Variants in CCDC102B observed in about 807,000 individuals in gnomAD.
CCDC102B encodes the protein coiled-coil domain-containing protein 102B.
Under a neutral mutation model 57.4 loss-of-function variants are expected in CCDC102B, and 75 were observed. The ratio of observed to expected loss-of-function variants is 1.31; its 90% CI spans 1.08 to 1.58. CCDC102B has a LOEUF of 1.58. CCDC102B is among the 40% of genes most tolerant of loss of function. The probability of loss-of-function intolerance (pLI) is 0.00; values close to 1 mark genes in which losing one functional copy is unlikely to be tolerated. For missense variants in CCDC102B, 636 were observed against 582.6 expected, an observed-to-expected ratio of 1.09 and a Z score of -0.94; for synonymous variants, 206 against 201.9, an observed-to-expected ratio of 1.02 and a Z score of -0.17.
At chr18:68,756,520 C>T (rs960630813) in intron 2 of CCDC102B, among the ~76,000 whole-genome samples, 4 of 152,108 alleles carry the variant, frequency 2.6e-5, no homozygotes, top group Admixed American at 2.0e-4. Context: ...AAATATCCTC[C>T]GTAGACTGAT....
At chr18:69,052,468 A>G (rs1033038052) in intron 7 of CCDC102B, among the ~76,000 whole-genome samples, 2 of 151,964 alleles carry the variant, frequency 1.3e-5, no homozygotes, top group Non-Finnish European at 2.9e-5. Context: ...TCACAGATGA[A>G]TCACATCTAT....
chr18:68,911,707 G>A (rs373901358), intron 6 of CCDC102B, among the ~76,000 whole-genome samples: 21 of 118,362 alleles, frequency 1.8e-4, no homozygotes, highest in East Asian at 1.5e-3. Context: ...AGCCGAGATC[G>A]CGCCACTGCA....
chr18:69,018,848 C>T (rs1354061968), intron 7 of CCDC102B, among the ~76,000 whole-genome samples: 1 of 151,934 alleles, frequency 6.6e-6, no homozygotes, highest in East Asian at 1.9e-4. Context: ...AAGAATAATG[C>T]CAAGGAGATT....
At chr18:68,810,876 G>A (rs60557313) in intron 1 of CCDC102B, among the ~76,000 whole-genome samples, 35,118 of 151,332 alleles carry the variant, frequency 0.23, 4,464 homozygotes, top group East Asian at 0.5. Context: ...GTGTGTGAGT[G>A]TGTGATGTGC....
At chr18:68,793,590 T>TATCCATCC (rs10628588), upstream of CCDC102B, among the ~76,000 whole-genome samples, 1,437 of 149,284 alleles carry the variant, frequency 9.6e-3, 10 homozygotes, top group African/African-American at 0.017. Context: ...GTTCATAGAA[T>TATCCATCC]ATCCATCCAT....
chr18:69,030,667 G>GTTTTT lies in CCDC102B; in HGVS notation c.1434+19563_1434+19564insTTTTT, dbSNP rs1599872514. On this transcript the variant is annotated intron_variant, in intron 7 of 7. Coordinates refer to ENST00000360242, the MANE Select transcript of CCDC102B (RefSeq NM_024781.3). Reference sequence around the variant, plus strand: ...TAACAAATGAGTATGTTTTTGTTTTGGTTTTTGTTTTTGGAGACACTCTGT... The same window carrying GTTTTT: ...TAACAAATGAGTATGTTTTTGTTTTGTTTTTGTTTTTGTTTTTGGAGACACTCTGT... 1.1e-4 allele frequency among the ~76,000 whole-genome samples: 16 copies of GTTTTT among 152,218 alleles called. No homozygotes were observed. The East Asian group carries it at 1.7e-3, about 17-fold the overall frequency.
intron 6 of CCDC102B, among the ~76,000 whole-genome samples, chr18:68,970,397 C>T (rs2145257317): frequency 6.6e-6 from 1 of 152,000 alleles, no homozygotes; most frequent in Middle Eastern, 3.4e-3. Flanking sequence ...TTGTCCATGT[C>T]TTTTTATAAA....
chr18:69,047,997 AC>A (rs1371932168), intron 7 of CCDC102B, among the ~76,000 whole-genome samples: 1 of 152,156 alleles, frequency 6.6e-6, no homozygotes, highest in African/African-American at 2.4e-5. Context: ...CTATCAAACT[AC>A]TAAAATGTTT....
chr18:68,915,265 G>A (rs1239475405), intron 6 of CCDC102B, among the ~76,000 whole-genome samples: 1 of 152,172 alleles, frequency 6.6e-6, no homozygotes, highest in African/African-American at 2.4e-5. Flanking sequence ...AGTCTTCCCC[G>A]CCAAGGTGAG....
rs186277370 is a variant in CCDC102B at position 68,723,475 on chromosome 18, A to C, written c.-67+6881A>C. 2.0e-3 allele frequency among the ~76,000 whole-genome samples: 303 copies of C among 152,326 alleles called. 1 individual carries two copies. The highest frequency in any genetic ancestry group is 7.0e-3 in the African/African-American group (289 of 41,568). ...TTCCACCTATCAGCCTGCAAAATCA[A>C]AAGCAAGGCAGTTACTTCCTACATA... On this transcript the variant is annotated intron_variant, in intron 2 of 3. Transcript: ENST00000578970.
At chr18:68,830,705 C>T (rs1361060112) in intron 1 of CCDC102B, among the ~76,000 whole-genome samples, 6 of 145,370 alleles carry the variant, frequency 4.1e-5, no homozygotes, top group African/African-American at 1.4e-4. Flanking sequence ...GACATAATCT[C>T]TTTAAGTCTC....
intron 1 of CCDC102B, among the ~76,000 whole-genome samples, chr18:68,824,957 A>G (rs1032357412): frequency 1.3e-5 from 2 of 152,186 alleles, no homozygotes; most frequent in Non-Finnish European, 1.5e-5. Flanking sequence ...ATGTACCTCT[A>G]TGTTTCTGGT....
intron 2 of CCDC102B, among the ~76,000 whole-genome samples, chr18:68,747,468 T>A (rs2033665533): frequency 6.6e-6 from 1 of 152,082 alleles, no homozygotes; most frequent in Non-Finnish European, 1.5e-5. Flanking sequence ...TTTCTAAAAT[T>A]TATTCATCTT....
At chr18:68,904,299 A>G (rs1355905375) in intron 6 of CCDC102B, among the ~76,000 whole-genome samples, 1 of 152,218 alleles carries the variant, frequency 6.6e-6, no homozygotes, top group African/African-American at 2.4e-5. Context: ...TTTTTAAAAT[A>G]TAAAATGTGT....
At chr18:69,022,593 CT>C (rs1207150163) in intron 7 of CCDC102B, among the ~76,000 whole-genome samples, 2 of 151,754 alleles carry the variant, frequency 1.3e-5, no homozygotes, top group Non-Finnish European at 2.9e-5. Context: ...TTGAATTAAT[CT>C]TGGCACAGTG....
intron 4 of CCDC102B, among the ~76,000 whole-genome samples, chr18:68,871,878 G>A (rs1039239843): frequency 5.3e-5 from 8 of 152,116 alleles, no homozygotes; most frequent in African/African-American, 1.9e-4. Context: ...TTGCTCTCTT[G>A]AGAAAGGAAG....
rs574022095 is a variant in CCDC102B at position 68,755,351 on chromosome 18, C to T, written c.-67+38757C>T. Among the ~76,000 whole-genome samples the T allele has an allele frequency of 1.2e-4, 18 of 152,210 alleles. No homozygotes were observed. In the South Asian group the frequency reaches 3.3e-3, roughly 28 times the overall value. On this transcript the variant is annotated intron_variant, in intron 2 of 3. Coordinates refer to the CCDC102B transcript ENST00000578970. Reference sequence around the variant, plus strand: ...GACCTCTGGACTTGGAGACAGGCCCCGCTGTGGCTGATGTGGGCAGGCTCA... The same window carrying T: ...GACCTCTGGACTTGGAGACAGGCCCTGCTGTGGCTGATGTGGGCAGGCTCA...
At chr18:68,977,192 GAT>G (rs1443274794) in intron 6 of CCDC102B, among the ~76,000 whole-genome samples, 1 of 151,974 alleles carries the variant, frequency 6.6e-6, no homozygotes, top group African/African-American at 2.4e-5. Flanking sequence ...GATTGACCTT[GAT>G]ATGTTTTCTT....
At chr18:68,732,469 C>T (rs1048822634) in intron 2 of CCDC102B, among the ~76,000 whole-genome samples, 4 of 151,794 alleles carry the variant, frequency 2.6e-5, no homozygotes, top group African/African-American at 9.7e-5. Flanking sequence ...CTCAGCCTCC[C>T]GAGTAGCTGG....
Sources: gnomAD v4.1 joint callset for allele counts (sites outside exome capture counted in the v4.1 genomes callset) on GRCh38, gnomAD v4.1.1 for gene constraint, MANE v1.5 for transcripts, NCBI Gene and HGNC (gene_info 2026-07-23, HGNC 2026-07-21) for gene names.